The following LENG9 variants were observed in gnomAD, a reference collection of about 807,000 sequenced individuals.
LENG9 encodes the protein leukocyte receptor cluster member 9.
For synonymous variants in LENG9, 410 were observed against 303.9 expected, an observed-to-expected ratio of 1.35 and a Z score of -3.63; for missense variants, 872 against 652.7, an observed-to-expected ratio of 1.34 and a Z score of -3.66.
chr19:54,462,736 C>G lies in LENG9; in HGVS notation c.791G>C (p.Gly264Ala), dbSNP rs756644913. The change falls in exon 1 of 1, where the codon GGG becomes GCG. Residue 264 changes from glycine to alanine, a missense_variant. Coordinates refer to ENST00000611161, the MANE Select transcript of LENG9 (RefSeq NM_001301782.2). Reference protein sequence around the residue: ...GKEAQALGVPGGSAETTEAEW... With the variant: ...GKEAQALGVPAGSAETTEAEW... Reference sequence around the variant, plus strand: ...GGCTTCTGTCGTCTCAGCGGAGCCCCCCGGGACTCCCAGGGCCTGTGCTTC... The same window carrying G: ...GGCTTCTGTCGTCTCAGCGGAGCCCGCCGGGACTCCCAGGGCCTGTGCTTC... The G allele has an allele frequency of 6.2e-7, 1 of 1,610,946 alleles. No individual in the cohort carries two copies. The highest frequency in any genetic ancestry group is 2.2e-5 in the East Asian group (1 of 44,878).
rs190992756 is a variant in LENG9, at chr19:54,463,168, A to C, written c.359T>G (p.Val120Gly). 1.3e-3 allele frequency: 2,009 copies of C among 1,584,546 alleles called. 20 individuals are homozygous for C. In the African/African-American group the frequency reaches 0.025, roughly 19 times the overall value. The change falls in exon 1 of 1, where the codon GTG becomes GGG. Residue 120 changes from valine (V) to glycine (G), a missense_variant. Physicochemically the swap from Val to Gly is moderately radical, Grantham distance 109. Coordinates refer to ENST00000611161, the MANE Select transcript of LENG9 (RefSeq NM_001301782.2). ...LAALGPGVLA[V>G]PQHRVRFFRF... ...GAAGAAGCGCACGCGGTGCTGGGGC[A>C]CTGCCAGCACGCCCGGCCCGAGCGC... is the stretch of plus-strand genomic sequence containing the variant.
rs566451479 is a variant in LENG9 at position 54,462,902 on chromosome 19, C to T, written c.625G>A (p.Gly209Arg). 6.2e-7 allele frequency: 1 copy of T among 1,612,634 alleles called. No individual in the cohort carries two copies. Among genetic ancestry groups the T allele is most frequent in the African/African-American group, 1.3e-5 (1 of 75,048 alleles). Residue 209 changes from glycine (G) to arginine (R), a missense_variant, in exon 1 of 1, where the codon GGA becomes AGA. Gly to Arg is a moderately radical substitution (Grantham distance 125, BLOSUM62 -2). Transcript: ENST00000611161. The part of the protein sequence containing the change: ...GHQEPGVEEP[G>R]ELEAAQERAL... ...CTCTCCTGGGCCGCCTCCAGCTCTC[C>T]GGGTTCCTCCACGCCTGGTTCCTGG...
Position 54,463,717 on chromosome 19 carries a change from C to T in LENG9, c.-191G>A. The T allele has an allele frequency of 1.3e-6, 1 of 741,964 alleles. No homozygotes were observed. The highest frequency in any genetic ancestry group is 1.9e-6 in the Non-Finnish European group (1 of 536,030). The allele number at this position is 741,964 out of a possible 1,614,324, so 46.0% of individuals were successfully genotyped here. A position where few individuals can be genotyped will look rare whatever the true frequency, so the allele number is the denominator to read the frequency against. On this transcript the variant is annotated 5_prime_UTR_variant, in exon 1 of 1. Coordinates refer to ENST00000611161, the MANE Select transcript of LENG9 (RefSeq NM_001301782.2). Reference sequence around the variant, plus strand: ...CCCTCCTTGGTGGAGAGCCTGACACCGCTGCTCTGGGACTTCCCGGCTGCG... The same window carrying T: ...CCCTCCTTGGTGGAGAGCCTGACACTGCTGCTCTGGGACTTCCCGGCTGCG...
In LENG9 at chr19:54,462,272, C is replaced by G; in HGVS notation, c.1255G>C (p.Gly419Arg). 3 of 1,608,440 alleles carry G rather than the reference C, an allele frequency of 1.9e-6. No homozygotes were observed. The highest frequency in any genetic ancestry group is 1.1e-5 in the South Asian group (1 of 90,316). ...ACGGTGAGGTGGGGGTGCAGCTGCC[C>G]TGGAGACTGTAGTGTACTCAGCCCC... ...AEGLSTLQSP[G>R]QLHPHLTVAK... The change falls in exon 1 of 1, where the codon GGG becomes CGG. Residue 419 changes from glycine (G) to arginine (R), a missense_variant. By Grantham distance (125) the Gly-to-Arg change is moderately radical (BLOSUM62 -2). Coordinates refer to ENST00000611161, the MANE Select transcript of LENG9 (RefSeq NM_001301782.2).
At position 54,462,025 on chromosome 19, in the gene LENG9, C is replaced by T. The variant is rs543747647; in HGVS notation, c.*65G>A. The T allele has an allele frequency of 3.3e-6, 5 of 1,508,952 alleles. No homozygotes were observed. The East Asian group carries it at 6.8e-5, about 20-fold the overall frequency. The allele number at this position is 1,508,952 out of a possible 1,614,324, so 93.5% of individuals were successfully genotyped here. A position where few individuals can be genotyped will look rare whatever the true frequency, so the allele number is the denominator to read the frequency against. Reference sequence around the variant, plus strand: ...AAGAGAGAAAGAGAGAGCGTGCACGCTCCTGCTTTGTCTTTCCTGTGTGGG... The same window carrying T: ...AAGAGAGAAAGAGAGAGCGTGCACGTTCCTGCTTTGTCTTTCCTGTGTGGG... On this transcript the variant is annotated 3_prime_UTR_variant, in exon 1 of 1. Transcript: ENST00000611161.
At position 54,461,929 on chromosome 19, in the gene LENG9, C is replaced by G; in HGVS notation, c.*161G>C. ...GCCTCCCCTTCCCCTCCTCTCCCCT[C>G]CTTTTCCTTCCTTCCTTCCTTTCCT... On this transcript the variant is annotated 3_prime_UTR_variant, in exon 1 of 1. Coordinates refer to ENST00000611161, the MANE Select transcript of LENG9 (RefSeq NM_001301782.2). The G allele has an allele frequency of 1.1e-6, 1 of 949,064 alleles. No homozygotes were observed. The highest frequency in any genetic ancestry group is 2.4e-5 in the East Asian group (1 of 41,776). The allele number at this position is 949,064 out of a possible 1,614,324, so 58.8% of individuals were successfully genotyped here.
chr19:54,462,930 C>A lies in LENG9; in HGVS notation c.597G>T (p.Gly199=), dbSNP rs539903963. The A allele has an allele frequency of 9.3e-6, 15 of 1,612,218 alleles. No homozygotes were observed. The African/African-American group carries it at 1.9e-4, about 20-fold the overall frequency. The change falls in exon 1 of 1, where the codon GGG becomes GGT. Residue 199 remains glycine, a synonymous_variant. Transcript: ENST00000611161. ...GTTCCTCCACGCCTGGTTCCTGGTG[C>A]CCTGTGCAGAGCGGCCTTGTGCTCC... The part of the protein sequence containing the change: ...KRGSTRPLCT[G]HQEPGVEEPG...
At position 54,462,796 on chromosome 19, in the gene LENG9, G is replaced by A. The variant is rs1477062022; in HGVS notation, c.731C>T (p.Thr244Ile). The change falls in exon 1 of 1, where the codon ACA becomes ATA. Residue 244 changes from threonine (T) to isoleucine (I), a missense_variant. Physicochemically the swap from Thr to Ile is moderately conservative, Grantham distance 89. Coordinates refer to ENST00000611161, the MANE Select transcript of LENG9 (RefSeq NM_001301782.2). ...CAGCAATGTGGTCCTGGTGGCTGCT[G>A]TTGGCTTCAGTGCCTCAGTCACTCC... The part of the protein sequence containing the change: ...LAGVTEALKP[T>I]AATRTTLLGG... 5.1e-6 allele frequency: 8 copies of A among 1,580,970 alleles called. No homozygotes were observed. Among genetic ancestry groups the A allele is most frequent in the African/African-American group, 3.2e-5 (2 of 63,364 alleles).
chr19:54,462,196 G>T lies in LENG9; in HGVS notation c.1331C>A (p.Thr444Asn). The T allele has an allele frequency of 6.2e-7, 1 of 1,613,526 alleles. No individual in the cohort carries two copies. ...SQVHLPKLEFTLSQEVGCQPL... is the reference protein window; with the variant it reads ...SQVHLPKLEFNLSQEVGCQPL... ...CTGGCACCCCACTTCCTGGCTGAGG[G>T]TGAACTCCAGCTTGGGGAGGTGGAC... Residue 444 changes from threonine to asparagine, a missense_variant, in exon 1 of 1, where the codon ACC (threonine) becomes AAC (asparagine). Transcript: ENST00000611161.
rs775260239 is a variant in LENG9 at position 54,463,237 on chromosome 19, C to A, written c.290G>T (p.Arg97Leu). 2 of 1,545,710 alleles carry A rather than the reference C, an allele frequency of 1.3e-6. No individual in the cohort carries two copies. Among genetic ancestry groups the A allele is most frequent in the Non-Finnish European group, 1.7e-6 (2 of 1,151,822 alleles). Reference protein sequence around the residue: ...VGYVDRFLGVREEPFSAFCWD... With the variant: ...VGYVDRFLGVLEEPFSAFCWD... ...GCAAAAGGCGCTGAAGGGCTCCTCG[C>A]GCACACCCAGAAAGCGGTCGACGTA... is the stretch of plus-strand genomic sequence containing the variant. Residue 97 changes from arginine to leucine, a missense_variant, in exon 1 of 1, where the codon CGC becomes CTC. Physicochemically the swap from Arg to Leu is moderately radical, Grantham distance 102. Transcript: ENST00000611161.
chr19:54,463,596 T>C lies in LENG9; in HGVS notation c.-70A>G. 2 of 1,309,180 alleles carry C rather than the reference T, an allele frequency of 1.5e-6. No homozygotes were observed. 81.1% of individuals were successfully genotyped at this position (1,309,180 alleles called of 1,614,324 possible). A position where few individuals can be genotyped will look rare whatever the true frequency, so the allele number is the denominator to read the frequency against. ...CGCACGGAGGGCGGCTCCCCTTGGA[T>C]GCACCGAGCCTCACCCGACAGTGGC... On this transcript the variant is annotated 5_prime_UTR_variant, in exon 1 of 1. Transcript: ENST00000611161.
rs988516292 is a variant in LENG9, at chr19:54,461,932, TTTCC to T, written c.*154_*157del. The T allele has an allele frequency of 4.7e-4, 451 of 965,282 alleles. No homozygotes were observed. Among genetic ancestry groups the T allele is most frequent in the African/African-American group, 9.5e-4 (59 of 62,168 alleles). The allele number at this position is 965,282 out of a possible 1,614,324, so 59.8% of individuals were successfully genotyped here. A position where few individuals can be genotyped will look rare whatever the true frequency, so the allele number is the denominator to read the frequency against. The stretch of plus-strand genomic sequence containing the variant: ...TCCCCTTCCCCTCCTCTCCCCTCCT[TTTCC>T]TTCCTTCCTTCCTTTCCTTGGAGCA... On this transcript the variant is annotated 3_prime_UTR_variant, in exon 1 of 1. Transcript: ENST00000611161.
chr19:54,462,998 G>GT lies in LENG9; in HGVS notation c.528dup (p.Leu177ThrfsTer48). 1 of 1,606,158 alleles carries GT rather than the reference G, an allele frequency of 6.2e-7. No individual in the cohort carries two copies. Among genetic ancestry groups the GT allele is most frequent in the Non-Finnish European group, 8.5e-7 (1 of 1,179,730 alleles). ...TGGGCCTCCTGACCTGTCCCCGCCAGTGTCCACTCGGCACCCTCTGCCCCG... is the reference window on the plus strand; with the variant it reads ...TGGGCCTCCTGACCTGTCCCCGCCAGTTGTCCACTCGGCACCCTCTGCCCCG... On this transcript the variant is annotated frameshift_variant, in exon 1 of 1. Transcript: ENST00000611161. LOFTEE classifies it low-confidence loss of function (END_TRUNC).
rs1555996286 is a variant in LENG9 at position 54,463,043 on chromosome 19, G to C, written c.484C>G (p.Pro162Ala). ...AGRGPTILDA[P>A]NTEGAHGAEG... ...GCCCCGTGGGCGCCCTCGGTGTTCG[G>C]TGCGTCCAGGATGGTGGGCCCGCGT... is the stretch of plus-strand genomic sequence containing the variant. The change falls in exon 1 of 1, where the codon CCG becomes GCG. Residue 162 changes from proline to alanine, a missense_variant. Physicochemically the swap from Pro to Ala is conservative, Grantham distance 27 (BLOSUM62 -1). Transcript: ENST00000611161. 3.1e-6 allele frequency: 5 copies of C among 1,602,764 alleles called. No individual in the cohort carries two copies. The highest frequency in any genetic ancestry group is 4.2e-6 in the Non-Finnish European group (5 of 1,179,460).
rs186611630 is a variant in LENG9 at position 54,461,786 on chromosome 19, C to A, written c.*304G>T. On this transcript the variant is annotated 3_prime_UTR_variant, in exon 1 of 1. Coordinates refer to ENST00000611161, the MANE Select transcript of LENG9 (RefSeq NM_001301782.2). The stretch of plus-strand genomic sequence containing the variant: ...TATTTAAGTTATTTTTCTTCCTCCT[C>A]TCCCTTTTCTTTTTGGCCCTCCCTC... The A allele has an allele frequency of 3.2e-6, 2 of 625,220 alleles. No homozygotes were observed. Among genetic ancestry groups the A allele is most frequent in the East Asian group, 7.0e-5 (2 of 28,432 alleles). The allele number at this position is 625,220 out of a possible 1,614,324, so 38.7% of individuals were successfully genotyped here.
rs1338975436 is a variant in LENG9 at position 54,462,857 on chromosome 19, C to G, written c.670G>C (p.Asp224His). The G allele has an allele frequency of 2.5e-6, 4 of 1,612,620 alleles. No individual in the cohort carries two copies. Among genetic ancestry groups the G allele is most frequent in the African/African-American group, 1.3e-5 (1 of 74,916 alleles). ...AQERALGTAA[D>H]LGTLAPRGRL... ...CCTCTTGGGGCCAGTGTTCCCAAATCAGCAGCTGTGCCCAGCGCCCTCTCC... is the reference window on the plus strand; with the variant it reads ...CCTCTTGGGGCCAGTGTTCCCAAATGAGCAGCTGTGCCCAGCGCCCTCTCC... Residue 224 changes from aspartate to histidine, a missense_variant, in exon 1 of 1, where the codon GAT becomes CAT. Transcript: ENST00000611161.
In LENG9 at chr19:54,463,138, A is replaced by T. The variant is rs756220671; in HGVS notation, c.389T>A (p.Phe130Tyr). The change falls in exon 1 of 1, where the codon TTC (phenylalanine) becomes TAC (tyrosine). Residue 130 changes from phenylalanine to tyrosine, a missense_variant. Coordinates refer to ENST00000611161, the MANE Select transcript of LENG9 (RefSeq NM_001301782.2). ...GCGGTCCCACACAAGGCGGCCACGG[A>T]AGCGGAAGAAGCGCACGCGGTGCTG... ...VPQHRVRFFR[F>Y]RGRLVWDRAS... 1.3e-6 allele frequency: 2 copies of T among 1,595,180 alleles called. No homozygotes were observed. Among genetic ancestry groups the T allele is most frequent in the Admixed American group, 1.7e-5 (1 of 59,088 alleles).
At position 54,463,025 on chromosome 19, in the gene LENG9, G is replaced by T. The variant is rs1401833761; in HGVS notation, c.502C>A (p.His168Asn). 4 of 1,603,580 alleles carry T rather than the reference G, an allele frequency of 2.5e-6. No homozygotes were observed. The highest frequency in any genetic ancestry group is 3.3e-5 in the Admixed American group (2 of 59,932). ...GTCCACTCGGCACCCTCTGCCCCGT[G>T]GGCGCCCTCGGTGTTCGGTGCGTCC... ...ILDAPNTEGA[H>N]GAEGAEWTLA... Residue 168 changes from histidine to asparagine, a missense_variant, in exon 1 of 1, where the codon CAC (histidine) becomes AAC (asparagine). Coordinates refer to ENST00000611161, the MANE Select transcript of LENG9 (RefSeq NM_001301782.2).
At position 54,462,413 on chromosome 19, in the gene LENG9, G is replaced by A. The variant is rs776962788; in HGVS notation, c.1114C>T (p.Pro372Ser). Reference sequence around the variant, plus strand: ...AGCTTTCTAAAGCTCAGCCGAGGGGGTGCATTTAGCCCCGGGGCCAAGAGG... The same window carrying A: ...AGCTTTCTAAAGCTCAGCCGAGGGGATGCATTTAGCCCCGGGGCCAAGAGG... ...RALLAPGLNA[P>S]PRLSFRKLVL... Residue 372 changes from proline to serine, a missense_variant, in exon 1 of 1, where the codon CCC becomes TCC. Coordinates refer to ENST00000611161, the MANE Select transcript of LENG9 (RefSeq NM_001301782.2). 1 of 1,613,440 alleles carries A rather than the reference G, an allele frequency of 6.2e-7. No homozygotes were observed. Among genetic ancestry groups the A allele is most frequent in the Non-Finnish European group, 8.5e-7 (1 of 1,179,848 alleles).
Sources: allele counts gnomAD v4.1 joint callset, GRCh38; gene constraint gnomAD v4.1.1; transcripts MANE v1.5; gene names NCBI Gene and HGNC (gene_info 2026-07-23, HGNC 2026-07-21).